Variants in TENM2 observed in about 807,000 individuals in gnomAD.
The protein encoded by TENM2 is teneurin transmembrane protein 2, also known as teneurin-2.
TENM2 carries 52 observed loss-of-function variants against 245.2 expected under a neutral mutation model. The ratio of observed to expected loss-of-function variants is 0.21; its 90% CI spans 0.17 to 0.27. The LOEUF (loss-of-function observed/expected upper bound fraction) is 0.27, where lower values mean the gene tolerates loss of function less well. TENM2 is among the 10% of genes least tolerant of loss of function. TENM2 has a pLI of 1.00. For missense variants in TENM2, 3,046 were observed against 3,666.8 expected (o/e 0.83, Z 4.37); for synonymous variants, 1,363 against 1,438.9 (o/e 0.95, Z 1.19).
chr5:167,023,045 AT>A, the TENM2 span, among the ~76,000 whole-genome samples: 1 of 152,164 alleles, frequency 6.6e-6, no homozygotes, highest in Non-Finnish European at 1.5e-5. Flanking sequence ...GTGTACTAAT[AT>A]GGCCTCTGGG....
At chr5:167,237,511 T>A in the TENM2 span, among the ~76,000 whole-genome samples, 5 of 147,168 alleles carry the variant, frequency 3.4e-5, no homozygotes, top group Non-Finnish European at 4.5e-5. Flanking sequence ...TGAACTTAAA[T>A]ATCATTTGCT....
chr5:167,303,848 A>G (rs1755506732), intron 1 of TENM2, among the ~76,000 whole-genome samples: 1 of 152,162 alleles, frequency 6.6e-6, no homozygotes, highest in Non-Finnish European at 1.5e-5. Flanking sequence ...TGAAGTCTGT[A>G]TGGCCAGGCA....
chr5:167,490,025 C>T (rs565375230), intron 2 of TENM2, among the ~76,000 whole-genome samples: 26 of 152,172 alleles, frequency 1.7e-4, no homozygotes, highest in South Asian at 4.1e-4. Context: ...ATTTGTACAA[C>T]CTTCAGATTA....
the TENM2 span, among the ~76,000 whole-genome samples, chr5:167,193,381 A>G: frequency 6.6e-6 from 1 of 151,870 alleles, no homozygotes. Context: ...AAACTTAGGC[A>G]GGGGATATCT....
At chr5:168,038,369 C>T (rs1787891409) in intron 5 of TENM2, among the ~76,000 whole-genome samples, 1 of 152,158 alleles carries the variant, frequency 6.6e-6, no homozygotes, top group African/African-American at 2.4e-5. Flanking sequence ...ACTTTTGCAC[C>T]TTCTCCACCC....
intron 3 of TENM2, among the ~76,000 whole-genome samples, chr5:167,891,478 C>T (rs1774752678): frequency 6.6e-6 from 1 of 152,142 alleles, no homozygotes; most frequent in South Asian, 2.1e-4. Context: ...GGAAGGAAAG[C>T]TTAAGTGGGC....
chr5:168,192,137 A>G (rs1336425502), intron 14 of TENM2, among the ~76,000 whole-genome samples: 1 of 152,206 alleles, frequency 6.6e-6, no homozygotes, highest in African/African-American at 2.4e-5. Context: ...ACACTATTTA[A>G]ATACGTAAAA....
chr5:167,240,087 C>T, the TENM2 span, among the ~76,000 whole-genome samples: 1 of 152,086 alleles, frequency 6.6e-6, no homozygotes, highest in Non-Finnish European at 1.5e-5. Flanking sequence ...TTTTAAATAG[C>T]CTTTACTGGG....
intron 2 of TENM2, among the ~76,000 whole-genome samples, chr5:167,710,336 G>T (rs189842455): frequency 1.5e-3 from 213 of 137,490 alleles, no homozygotes; most frequent in Non-Finnish European, 2.4e-3. Context: ...AGTGACTTTC[G>T]ATTTCATGGG....
the TENM2 span, among the ~76,000 whole-genome samples, chr5:167,158,643 T>A: frequency 1.3e-5 from 2 of 152,248 alleles, no homozygotes; most frequent in Admixed American, 1.3e-4. Context: ...TATCTTCACA[T>A]AATAGAGAGA....
the TENM2 span, among the ~76,000 whole-genome samples, chr5:167,131,365 C>T: frequency 6.6e-5 from 10 of 152,166 alleles, no homozygotes; most frequent in Admixed American, 6.5e-4. Flanking sequence ...GTTTCCCTGA[C>T]TGTAGGACCT....
chr5:168,110,094 C>T (rs913038212), intron 9 of TENM2, among the ~76,000 whole-genome samples: 14 of 149,214 alleles, frequency 9.4e-5, no homozygotes, highest in African/African-American at 3.2e-4. Context: ...GCAGAGCAGC[C>T]CTGGAAGGCA....
At chr5:167,561,919 C>A (rs1217179255) in intron 2 of TENM2, among the ~76,000 whole-genome samples, 1 of 152,166 alleles carries the variant, frequency 6.6e-6, no homozygotes, top group Non-Finnish European at 1.5e-5. Context: ...GAGACAGAGT[C>A]CTAGCGCCAC....
At chr5:167,600,039 G>C (rs1016768192) in intron 2 of TENM2, among the ~76,000 whole-genome samples, 3 of 89,786 alleles carry the variant, frequency 3.3e-5, no homozygotes, top group African/African-American at 1.3e-4. Context: ...CCAGCTACTC[G>C]AGAGGCTGAG....
chr5:167,611,470 C>A (rs1220451509), intron 2 of TENM2, among the ~76,000 whole-genome samples: 2 of 152,024 alleles, frequency 1.3e-5, no homozygotes, highest in Admixed American at 1.3e-4. Flanking sequence ...TGGACCCCAA[C>A]CCTCTCTGCT....
intron 12 of TENM2, among the ~76,000 whole-genome samples, chr5:168,138,279 G>A (rs577285128): frequency 6.6e-6 from 1 of 152,274 alleles, no homozygotes; most frequent in Non-Finnish European, 1.5e-5. Context: ...TGTAAATTGG[G>A]AATAATAAAT....
At chr5:167,034,432 C>T in the TENM2 span, among the ~76,000 whole-genome samples, 1 of 151,966 alleles carries the variant, frequency 6.6e-6, no homozygotes, top group African/African-American at 2.4e-5. Context: ...AGATCGAGAC[C>T]ATCCCGGCTA....
At chr5:167,233,139 G>A in the TENM2 span, among the ~76,000 whole-genome samples, 1 of 152,236 alleles carries the variant, frequency 6.6e-6, no homozygotes, top group South Asian at 2.1e-4. Flanking sequence ...ATGAGCTCTG[G>A]GGTTGGAGGC....
intron 25 of TENM2, among the ~76,000 whole-genome samples, chr5:168,238,859 G>T (rs932005818): frequency 6.6e-6 from 1 of 152,146 alleles, no homozygotes; most frequent in African/African-American, 2.4e-5. Flanking sequence ...TGAGGAAAAT[G>T]CCCGATAATT....
Sources: gnomAD v4.1 joint callset for allele counts (sites outside exome capture counted in the v4.1 genomes callset) on GRCh38, gnomAD v4.1.1 for gene constraint, MANE v1.5 for transcripts, NCBI Gene and HGNC (gene_info 2026-07-23, HGNC 2026-07-21) for gene names.